Variants in PCM1 observed in about 807,000 individuals in gnomAD.
The protein encoded by PCM1 is pericentriolar material 1 protein.
A neutral mutation model predicts 241.9 loss-of-function variants in PCM1; 157 were observed. The ratio of observed to expected loss-of-function variants is 0.65; its 90% confidence interval spans 0.57 to 0.74. The LOEUF (loss-of-function observed/expected upper bound fraction) is 0.74. Among genes scored for constraint, PCM1 ranks in the 30% least tolerant of loss-of-function variants. PCM1 has a pLI of 0.00. For missense variants in PCM1, 3,478 were observed against 2,360.1 expected (o/e 1.47, Z -9.81); for synonymous variants, 1,085 against 784.9 (o/e 1.38, Z -6.39).
At chr8:17,969,805 A>G in intron 22 of PCM1, 57 bp downstream of exon 22, 1 of 1,281,416 alleles carries the variant, frequency 7.8e-7, no homozygotes, top group Non-Finnish European at 1.1e-6. Context: ...GATTACATCT[A>G]ATTATGTGTA....
chr8:17,986,749 AT>A (rs1159834682), intron 26 of PCM1, among the ~76,000 whole-genome samples: 1 of 151,752 alleles, frequency 6.6e-6, no homozygotes, highest in Non-Finnish European at 1.5e-5. Context: ...TCAGGCCTTG[AT>A]TTTATTGTAA....
chr8:17,964,746 A>C lies in PCM1; in HGVS notation c.2833A>C (p.Asn945His), dbSNP rs763286195. 1 of 1,613,238 alleles carries C rather than the reference A, an allele frequency of 6.2e-7. No individual in the cohort carries two copies. Among genetic ancestry groups the C allele is most frequent in the East Asian group, 2.2e-5 (1 of 44,868 alleles). ...PSNSVNHNSY[N>H]GKETKNRWKN... ...TAACAGTGTGAATCATAACTCCTAC[A>C]ATGGAAAGGAAACTAAAAATAGGTT... The change falls in exon 18 of 39, where the codon AAT (asparagine) becomes CAT (histidine). Residue 945 changes from asparagine (N) to histidine (H), a missense_variant. Transcript: ENST00000325083.
At chr8:18,010,221 T>G (rs1172305216) in intron 31 of PCM1, among the ~76,000 whole-genome samples, 1 of 152,162 alleles carries the variant, frequency 6.6e-6, no homozygotes, top group Non-Finnish European at 1.5e-5. Flanking sequence ...ACAGGTGAGA[T>G]TGGATGACTG....
At position 17,975,165 on chromosome 8, in the gene PCM1, G is replaced by A. The variant is rs139739963; in HGVS notation, c.3943+2478G>A. On this transcript the variant is annotated intron_variant, in intron 23 of 38. Coordinates refer to ENST00000325083, the MANE Select transcript of PCM1 (RefSeq NM_006197.4). Reference sequence around the variant, plus strand: ...TGAAAAGTACTGAACTAGAACACTGGTTTATGTGGTTTTTGTTCCTTTTGT... The same window carrying A: ...TGAAAAGTACTGAACTAGAACACTGATTTATGTGGTTTTTGTTCCTTTTGT... Among the ~76,000 whole-genome samples the A allele has an allele frequency of 2.9e-3, 443 of 152,182 alleles. 1 individual carries two copies. Among genetic ancestry groups the A allele is most frequent in the Middle Eastern group, 0.02 (6 of 294 alleles).
rs947269506 is a variant in PCM1 at position 17,922,993 on chromosome 8, G to A, written c.-286G>A. Reference sequence around the variant, plus strand: ...CCCGCCCCTCTTCTCCCACCACAATGAGATCCTAAGATGGCGGTGGCTGCG... The same window carrying A: ...CCCGCCCCTCTTCTCCCACCACAATAAGATCCTAAGATGGCGGTGGCTGCG... On this transcript the variant is annotated 5_prime_UTR_variant, in exon 1 of 39. An upstream start codon of the reference 5' UTR is lost. Coordinates refer to ENST00000325083, the MANE Select transcript of PCM1 (RefSeq NM_006197.4). 6.6e-6 allele frequency: 1 copy of A among 152,436 alleles called. No individual in the cohort carries two copies. Among genetic ancestry groups the A allele is most frequent in the African/African-American group, 2.4e-5 (1 of 41,458 alleles). 9.4% of individuals were successfully genotyped at this position (152,436 alleles called of 1,614,324 possible).
intron 23 of PCM1, among the ~76,000 whole-genome samples, chr8:17,977,980 C>CG (rs2079344158): frequency 6.6e-6 from 1 of 152,004 alleles, no homozygotes. Flanking sequence ...CAGAAGTAGA[C>CG]CACTGAAAGA....
intron 36 of PCM1, among the ~76,000 whole-genome samples, chr8:18,023,587 G>A (rs1036872990): frequency 6.6e-6 from 1 of 152,140 alleles, no homozygotes; most frequent in Non-Finnish European, 1.5e-5. Context: ...AGATATTGTT[G>A]CCCCAAATTT....
At position 17,985,989 on chromosome 8, in the gene PCM1, C is replaced by G. The variant is rs749784233; in HGVS notation, c.4312C>G (p.His1438Asp). 1.9e-6 allele frequency: 3 copies of G among 1,579,384 alleles called. No homozygotes were observed. The Admixed American group carries it at 5.2e-5, about 27-fold the overall frequency. ...AGTATCCAGACATATTTCTGAGAGC[C>G]ATGAAAAAGGAGAAAATGTAAAGTC... ...DIVSRHISES[H>D]EKGENVKSVN... Residue 1438 changes from histidine to aspartate, a missense_variant, in exon 26 of 39, where the codon CAT becomes GAT. Physicochemically the swap from His to Asp is moderately conservative, Grantham distance 81. Coordinates refer to ENST00000325083, the MANE Select transcript of PCM1 (RefSeq NM_006197.4).
Position 17,935,716 on chromosome 8 carries a change from C to G in PCM1, c.96+10C>G. On this transcript the variant is annotated intron_variant, in intron 3 of 38. Transcript: ENST00000325083. ...CAGGCTCAACAATATGGTATGATTCCTTACTCTTCATGGTGTGTTGTTGGC... is the reference window on the plus strand; with the variant it reads ...CAGGCTCAACAATATGGTATGATTCGTTACTCTTCATGGTGTGTTGTTGGC... 1 of 1,213,932 alleles carries G rather than the reference C, an allele frequency of 8.2e-7. No individual in the cohort carries two copies. The highest frequency in any genetic ancestry group is 1.2e-6 in the Non-Finnish European group (1 of 815,852). 75.2% of individuals were successfully genotyped at this position (1,213,932 alleles called of 1,614,324 possible).
rs915911730 is a variant in PCM1, at chr8:17,937,453, G to T, written c.342+74G>T. 3.7e-6 allele frequency: 5 copies of T among 1,334,474 alleles called. No homozygotes were observed. The East Asian group carries it at 1.3e-4, about 36-fold the overall frequency. 82.7% of individuals were successfully genotyped at this position (1,334,474 alleles called of 1,614,324 possible). On this transcript the variant is annotated intron_variant, in intron 4 of 38. Transcript: ENST00000325083. The stretch of plus-strand genomic sequence containing the variant: ...GAAATGGATTAAATAATTTGTCTTA[G>T]GAATAAAAAATTGAGCTGTTTATGT...
intron 29 of PCM1, among the ~76,000 whole-genome samples, chr8:17,998,543 C>T (rs529333176): frequency 1.1e-4 from 17 of 152,248 alleles, no homozygotes; most frequent in Non-Finnish European, 1.9e-4. Context: ...ATGCCTGGAG[C>T]TGGATGGAGA....
At chr8:18,007,761 C>T (rs1306238431) in intron 30 of PCM1, among the ~76,000 whole-genome samples, 2 of 151,918 alleles carry the variant, frequency 1.3e-5, no homozygotes, top group African/African-American at 4.8e-5. Context: ...CTTCTGAAAC[C>T]CGTTCAAGAA....
chr8:17,974,893 A>ACACACACAC (rs397823449), intron 23 of PCM1, among the ~76,000 whole-genome samples: 1 of 151,486 alleles, frequency 6.6e-6, no homozygotes, highest in Non-Finnish European at 1.5e-5. Context: ...ACACACACAC[A>ACACACACAC]AATAAAAGGC....
At chr8:17,931,403 T>C (rs948576072) in intron 2 of PCM1, among the ~76,000 whole-genome samples, 2 of 152,080 alleles carry the variant, frequency 1.3e-5, no homozygotes, top group East Asian at 3.9e-4. Flanking sequence ...ATTCTTCTGC[T>C]TCAGCCTCCT....
chr8:17,983,687 A>G (rs527408786), intron 24 of PCM1, among the ~76,000 whole-genome samples: 1 of 152,300 alleles, frequency 6.6e-6, no homozygotes, highest in East Asian at 1.9e-4. Context: ...AAACAAAACA[A>G]TGATTACATG....
chr8:17,992,513 A>G (rs2085038251), intron 28 of PCM1, among the ~76,000 whole-genome samples: 1 of 151,742 alleles, frequency 6.6e-6, no homozygotes, highest in Non-Finnish European at 1.5e-5. Context: ...TAGTGATGTT[A>G]GAGCATTTTT....
At chr8:18,015,951 C>T (rs1267695637) in intron 36 of PCM1, among the ~76,000 whole-genome samples, 1 of 152,182 alleles carries the variant, frequency 6.6e-6, no homozygotes, top group African/African-American at 2.4e-5. Flanking sequence ...TGCAGTGGCG[C>T]GATCTCGGCT....
Position 17,955,466 on chromosome 8 carries a change from T to G in PCM1, c.1289-4T>G. On this transcript the variant is annotated splice_region_variant and splice_polypyrimidine_tract_variant and intron_variant, in intron 9 of 38. Transcript: ENST00000325083. ...AAAATTTTTTGTTGTTGTGCCTTCT[T>G]CAGCCTCTCCACAAAGGAGTGTCGA... 6.3e-7 allele frequency: 1 copy of G among 1,579,646 alleles called. No homozygotes were observed. The highest frequency in any genetic ancestry group is 1.4e-5 in the African/African-American group (1 of 73,724).
rs2092811771 is a variant in PCM1 at position 18,013,816 on chromosome 8, G to A, written c.5512-148G>A. Reference sequence around the variant, plus strand: ...TAGCCATCTTGAAATCACAACCAAAGCCGCCTCCTTGAAATAGTTTTAGAA... The same window carrying A: ...TAGCCATCTTGAAATCACAACCAAAACCGCCTCCTTGAAATAGTTTTAGAA... On this transcript the variant is annotated intron_variant, in intron 34 of 38. Coordinates refer to ENST00000325083, the MANE Select transcript of PCM1 (RefSeq NM_006197.4). The A allele has an allele frequency of 1.4e-5, 8 of 586,326 alleles. No individual in the cohort carries two copies. In the South Asian group the frequency reaches 1.6e-4, roughly 12 times the overall value. The allele number at this position is 586,326 out of a possible 1,614,324, so 36.3% of individuals were successfully genotyped here. A position where few individuals can be genotyped will look rare whatever the true frequency, so the allele number is the denominator to read the frequency against.
Sources: allele counts gnomAD v4.1 joint callset (sites outside exome capture counted in the v4.1 genomes callset), GRCh38; gene constraint gnomAD v4.1.1; transcripts MANE v1.5; gene names NCBI Gene and HGNC (gene_info 2026-07-23, HGNC 2026-07-21).